BCAS3: variants seen among roughly 807,000 people sequenced by gnomAD.
BCAS3 encodes the protein BCAS3 microtubule associated cell migration factor, also known as BCAS4/BCAS3 fusion.
Under a neutral mutation model 116.1 loss-of-function variants are expected in BCAS3, and 53 were observed. The observed-to-expected ratio is 0.46, with a 90% CI of 0.37 to 0.57. The LOEUF (loss-of-function observed/expected upper bound fraction) is 0.57, where lower values mean the gene tolerates loss of function less well. BCAS3 is among the 20% of genes least tolerant of loss of function. The pLI, the probability that BCAS3 is intolerant of heterozygous loss-of-function variation, is 0.00. For synonymous variants in BCAS3, 391 were observed against 408.2 expected, an observed-to-expected ratio of 0.96 and a Z score of 0.51; for missense variants, 917 against 1,165.4, an observed-to-expected ratio of 0.79 and a Z score of 3.10.
chr17:61,176,967 C>A (rs996300047), intron 22 of BCAS3, among the ~76,000 whole-genome samples: 1 of 152,128 alleles, frequency 6.6e-6, no homozygotes, highest in Admixed American at 6.6e-5. Flanking sequence ...TACCGTTAGT[C>A]CTTAGAGATT....
rs887294576 is a variant in BCAS3 at position 61,026,400 on chromosome 17, G to A, written c.1638-8266G>A. Reference sequence around the variant, plus strand: ...GCTTGAAAAATATGTGCCTCTTTCTGTGGTTCTGAGACTGGAACCAGTGAA... The same window carrying A: ...GCTTGAAAAATATGTGCCTCTTTCTATGGTTCTGAGACTGGAACCAGTGAA... On this transcript the variant is annotated intron_variant, in intron 16 of 23. Transcript: ENST00000407086. This position sits in a 1 kb window ranked among gnomAD's most constrained non-coding sequence, Gnocchi z 5.0. Among the ~76,000 whole-genome samples, 1 of 151,978 alleles carries A rather than the reference G, an allele frequency of 6.6e-6. No homozygotes were observed. Among genetic ancestry groups the A allele is most frequent in the Non-Finnish European group, 1.5e-5 (1 of 67,942 alleles).
At chr17:60,767,525 T>G (rs979861610) in intron 6 of BCAS3, among the ~76,000 whole-genome samples, 2 of 151,804 alleles carry the variant, frequency 1.3e-5, no homozygotes, top group Non-Finnish European at 2.9e-5. Flanking sequence ...TTTTGTATTT[T>G]TATTAGAAAT....
chr17:61,040,800 A>G lies in BCAS3; in HGVS notation c.1937A>G (p.Gln646Arg). The G allele has an allele frequency of 6.2e-7, 1 of 1,613,486 alleles. No individual in the cohort carries two copies. Among genetic ancestry groups the G allele is most frequent in the East Asian group, 2.2e-5 (1 of 44,874 alleles). The part of the protein sequence containing the change: ...RASWTLVRTP[Q>R]WNELQPPFNA... Reference sequence around the variant, plus strand: ...TTCTCCTGTTTCCTTAGAACCCCTCAATGGAATGAATTGCAGCCACCGTTT... The same window carrying G: ...TTCTCCTGTTTCCTTAGAACCCCTCGATGGAATGAATTGCAGCCACCGTTT... The change falls in exon 19 of 24, where the codon CAA (glutamine) becomes CGA (arginine). Residue 646 changes from glutamine (Q) to arginine (R), a missense_variant. Around this residue, in one of 3 missense-constraint regions of BCAS3, gnomAD observed 807 missense variants for 1,026.0 expected, o/e 0.79. Coordinates refer to ENST00000407086, the MANE Select transcript of BCAS3 (RefSeq NM_017679.5).
intron 6 of BCAS3, among the ~76,000 whole-genome samples, chr17:60,760,961 G>A (rs2043466410): frequency 6.6e-6 from 1 of 151,862 alleles, no homozygotes; most frequent in African/African-American, 2.4e-5. Flanking sequence ...CTGTCTTCAA[G>A]TTCTGAGATT....
At chr17:61,264,066 C>T (rs192402684) in intron 22 of BCAS3, among the ~76,000 whole-genome samples, 70 of 151,972 alleles carry the variant, frequency 4.6e-4, no homozygotes, top group African/African-American at 1.7e-3. Flanking sequence ...CAGACTATTC[C>T]CTGTCTGTAA....
chr17:60,779,688 G>C (rs1341391059), intron 6 of BCAS3, among the ~76,000 whole-genome samples: 1 of 152,030 alleles, frequency 6.6e-6, no homozygotes, highest in Non-Finnish European at 1.5e-5. Context: ...GTTTAGACTT[G>C]GTTCCTATCA....
At chr17:61,146,356 A>T (rs567627581) in intron 22 of BCAS3, among the ~76,000 whole-genome samples, 12 of 149,844 alleles carry the variant, frequency 8.0e-5, no homozygotes, top group African/African-American at 2.5e-4. Flanking sequence ...GGGTTCAGGG[A>T]TCCATCCCCC....
chr17:61,231,444 G>A (rs778454245), intron 22 of BCAS3, among the ~76,000 whole-genome samples: 4 of 152,048 alleles, frequency 2.6e-5, no homozygotes, highest in South Asian at 2.1e-4. Flanking sequence ...ATAAGAAACC[G>A]GTTTTAGAAG....
chr17:61,267,712 A>C (rs1012503434), intron 22 of BCAS3, among the ~76,000 whole-genome samples: 12 of 148,854 alleles, frequency 8.1e-5, no homozygotes, highest in African/African-American at 3.0e-4. Context: ...ACAGAGCAAG[A>C]CTCCGTCTCC....
intron 14 of BCAS3, among the ~76,000 whole-genome samples, chr17:60,969,170 C>T (rs2061820906): frequency 6.6e-6 from 1 of 152,132 alleles, no homozygotes; most frequent in African/African-American, 2.4e-5. Context: ...TGGTTAAAAT[C>T]TCGGTACTAT....
At chr17:60,732,738 C>T (rs889541615) in intron 5 of BCAS3, among the ~76,000 whole-genome samples, 3 of 152,114 alleles carry the variant, frequency 2.0e-5, no homozygotes. Context: ...ACTCAGGAGG[C>T]TGAGGCAGGA....
At chr17:60,877,334 C>G (rs562395033) in intron 9 of BCAS3, among the ~76,000 whole-genome samples, 1 of 152,220 alleles carries the variant, frequency 6.6e-6, no homozygotes, top group African/African-American at 2.4e-5. Context: ...GAGTATCTCT[C>G]TCGTATCTGC....
chr17:61,196,374 C>G lies in BCAS3; in HGVS notation c.2425+111810C>G, dbSNP rs1185061421. Among the ~76,000 whole-genome samples the G allele has an allele frequency of 6.6e-6, 1 of 152,234 alleles. No individual in the cohort carries two copies. Among genetic ancestry groups the G allele is most frequent in the African/African-American group, 2.4e-5 (1 of 41,454 alleles). ...TGTTTGCATAGCGTGCTAACTCTATCAGGGTCATTTCCAGTCTGTGGCCGC... is the reference window on the plus strand; with the variant it reads ...TGTTTGCATAGCGTGCTAACTCTATGAGGGTCATTTCCAGTCTGTGGCCGC... On this transcript the variant is annotated intron_variant, in intron 22 of 23. Coordinates refer to ENST00000407086, the MANE Select transcript of BCAS3 (RefSeq NM_017679.5). The surrounding 1 kb of genome is among the most constrained non-coding windows in gnomAD (Gnocchi z 4.7).
chr17:60,921,748 A>G (rs1225359995), intron 12 of BCAS3, among the ~76,000 whole-genome samples: 3 of 151,964 alleles, frequency 2.0e-5, no homozygotes, highest in African/African-American at 7.3e-5. Context: ...TATGCTCACT[A>G]CCTGGGTGCA....
rs982543162 is a variant in BCAS3, at chr17:61,259,390, C to T, written c.2426-108937C>T. Among the ~76,000 whole-genome samples, 2 of 152,116 alleles carry T rather than the reference C, an allele frequency of 1.3e-5. No individual in the cohort carries two copies. Among genetic ancestry groups the T allele is most frequent in the Non-Finnish European group, 2.9e-5 (2 of 68,032 alleles). The stretch of plus-strand genomic sequence containing the variant: ...AGTATGGTTTGTGCTTTTGTTCCTT[C>T]TTGGAGTCCAGCTCTGACTTTAATA... On this transcript the variant is annotated intron_variant, in intron 22 of 23. Coordinates refer to ENST00000407086, the MANE Select transcript of BCAS3 (RefSeq NM_017679.5). This position sits in a 1 kb window ranked among gnomAD's most constrained non-coding sequence, Gnocchi z 4.7.
At position 61,104,661 on chromosome 17, in the gene BCAS3, G is replaced by A. The variant is rs561266437; in HGVS notation, c.2425+20097G>A. 4.6e-5 allele frequency among the ~76,000 whole-genome samples: 7 copies of A among 152,138 alleles called. No individual in the cohort carries two copies. Among genetic ancestry groups the A allele is most frequent in the African/African-American group, 9.6e-5 (4 of 41,508 alleles). On this transcript the variant is annotated intron_variant, in intron 22 of 23. Coordinates refer to ENST00000407086, the MANE Select transcript of BCAS3 (RefSeq NM_017679.5). This position sits in a 1 kb window ranked among gnomAD's most constrained non-coding sequence, Gnocchi z 4.1. ...TGTCACCCTGTGAAAGATCCTCTGC[G>A]TTACCCCATCAATTCTGCTTCATTA... is the stretch of plus-strand genomic sequence containing the variant.
chr17:60,858,022 C>T (rs1310654751), intron 7 of BCAS3, among the ~76,000 whole-genome samples: 3 of 152,008 alleles, frequency 2.0e-5, no homozygotes, highest in Admixed American at 1.3e-4. Context: ...TTGTAGCCAT[C>T]ATGAGCTCCT....
At chr17:60,744,053 A>G (rs1598415009) in intron 5 of BCAS3, among the ~76,000 whole-genome samples, 1 of 152,358 alleles carries the variant, frequency 6.6e-6, no homozygotes, top group African/African-American at 2.4e-5. Flanking sequence ...TGTCATCAGA[A>G]ATTAAAATGC....
In BCAS3 at chr17:61,128,897, T is replaced by A. The variant is rs921511855; in HGVS notation, c.2425+44333T>A. Reference sequence around the variant, plus strand: ...TCCCCAAAATTTGGTAACCATTAAATTACTTCCTAAGTCACTTCCGGATGT... The same window carrying A: ...TCCCCAAAATTTGGTAACCATTAAAATACTTCCTAAGTCACTTCCGGATGT... On this transcript the variant is annotated intron_variant, in intron 22 of 23. Transcript: ENST00000407086. The surrounding 1 kb of genome is among the most constrained non-coding windows in gnomAD (Gnocchi z 4.1). Among the ~76,000 whole-genome samples, 3 of 152,146 alleles carry A rather than the reference T, an allele frequency of 2.0e-5. No individual in the cohort carries two copies. The highest frequency in any genetic ancestry group is 4.4e-5 in the Non-Finnish European group (3 of 68,016).
Sources: allele counts gnomAD v4.1 joint callset (sites outside exome capture counted in the v4.1 genomes callset), GRCh38; gene constraint gnomAD v4.1.1; regional missense constraint gnomAD v4.1.1; non-coding constraint Gnocchi (gnomAD v3.1); transcripts MANE v1.5; gene names NCBI Gene and HGNC (gene_info 2026-07-23, HGNC 2026-07-21).